The following HEATR4 variants were observed in gnomAD, a reference collection of about 807,000 sequenced individuals.
The protein encoded by HEATR4 is HEAT repeat-containing protein 4.
In HEATR4, 95 loss-of-function variants were observed where a neutral mutation model predicts 108.8. The observed-to-expected ratio is 0.87, with a 90% confidence interval of 0.74 to 1.04. The LOEUF (loss-of-function observed/expected upper bound fraction) is 1.04, where lower values mean the gene tolerates loss of function less well. HEATR4 is among the 50% of genes least tolerant of loss of function. HEATR4 has a pLI of 0.00. For missense variants in HEATR4, 1,152 were observed against 1,253.8 expected, an observed-to-expected ratio of 0.92 and a Z score of 1.23; for synonymous variants, 443 against 459.4, an observed-to-expected ratio of 0.96 and a Z score of 0.46.
chr14:73,612,500 C>A, the HEATR4 span: 3 of 1,042,584 alleles, frequency 2.9e-6, no homozygotes, highest in Non-Finnish European at 2.5e-6. Flanking sequence ...TACTTTCCAG[C>A]GCTCGGCAAA....
chr14:73,491,656 G>T, intron 17 of HEATR4: 1 of 1,549,842 alleles, frequency 6.5e-7, no homozygotes, highest in Non-Finnish European at 8.7e-7. Context: ...TCGCGCCCAT[G>T]CCGCCAGATC....
chr14:73,583,727 C>T, the HEATR4 span, among the ~76,000 whole-genome samples: 1 of 151,964 alleles, frequency 6.6e-6, no homozygotes, highest in Non-Finnish European at 1.5e-5. Context: ...AGGCCAGGCG[C>T]GGTGGCTCAC....
chr14:73,479,604 A>G (rs1039238703), intron 17 of HEATR4, among the ~76,000 whole-genome samples: 1 of 150,388 alleles, frequency 6.6e-6, no homozygotes, highest in Non-Finnish European at 1.5e-5. Context: ...ACACCCTACT[A>G]ATTTTGTATT....
intron 4 of HEATR4, 66 bp downstream of exon 4, chr14:73,520,786 A>G (rs2140295571): frequency 1.4e-6 from 2 of 1,448,388 alleles, no homozygotes; most frequent in South Asian, 1.3e-5. Context: ...TCCAGCCCCC[A>G]GCAATCTTCC....
At position 73,512,143 on chromosome 14, in the gene HEATR4, T is replaced by G; in HGVS notation, c.1421A>C (p.Glu474Ala). The change falls in exon 7 of 18, where the codon GAG (glutamate) becomes GCG (alanine). Residue 474 changes from glutamate (E) to alanine (A), a missense_variant. Coordinates refer to ENST00000553558, the MANE Select transcript of HEATR4 (RefSeq NM_001220484.1). The stretch of plus-strand genomic sequence containing the variant: ...GTTCTCTACTGTCTCATGGTGCCAC[T>G]CTATGACTGAGCCGCAGTGAGGGAA... ...EWKTAWALII[E>A]WHHETVENLL... 3.1e-6 allele frequency: 5 copies of G among 1,614,126 alleles called. No homozygotes were observed. The highest frequency in any genetic ancestry group is 4.2e-6 in the Non-Finnish European group (5 of 1,179,996).
chr14:73,493,247 T>C, intron 16 of HEATR4, 123 bp from the exon 17 acceptor site: 1 of 775,150 alleles, frequency 1.3e-6, no homozygotes, highest in Non-Finnish European at 2.2e-6. Context: ...GACCATGTCG[T>C]TCTGCTTGAG....
At chr14:73,552,777 C>T (rs1177396732) in intron 1 of HEATR4, among the ~76,000 whole-genome samples, 5 of 106,316 alleles carry the variant, frequency 4.7e-5, no homozygotes, top group Non-Finnish European at 5.8e-5. Context: ...CCAGATAACC[C>T]GCTGCTCCAG....
In HEATR4 at chr14:73,496,591, A is replaced by G. The variant is rs768675316; in HGVS notation, c.2625+10T>C. 6.4e-7 allele frequency: 1 copy of G among 1,568,306 alleles called. No individual in the cohort carries two copies. Among genetic ancestry groups the G allele is most frequent in the Non-Finnish European group, 8.8e-7 (1 of 1,138,552 alleles). On this transcript the variant is annotated intron_variant, in intron 15 of 17. Transcript: ENST00000553558. Reference sequence around the variant, plus strand: ...ATTTTCTCTTGAGAACAGAGCTTGCACTTATTTACCCTGTTCTTGATCTCC... The same window carrying G: ...ATTTTCTCTTGAGAACAGAGCTTGCGCTTATTTACCCTGTTCTTGATCTCC...
Position 73,498,298 on chromosome 14 carries a change from C to T in HEATR4, c.2403G>A (p.Leu801=). The change falls in exon 14 of 18, where the codon CTG becomes CTA. Residue 801 remains leucine, a synonymous_variant. Transcript: ENST00000553558. ...GQVSPELTDL[L]LWAIHYEESP... is the part of the protein sequence containing the mutation. ...ACTCTTCATAGTGGATAGCCCAGAGCAGAAGATCCGTCAGCTCGGGACTTA... is the reference window on the plus strand; with the variant it reads ...ACTCTTCATAGTGGATAGCCCAGAGTAGAAGATCCGTCAGCTCGGGACTTA... 1 of 1,612,584 alleles carries T rather than the reference C, an allele frequency of 6.2e-7. No homozygotes were observed. Among genetic ancestry groups the T allele is most frequent in the Non-Finnish European group, 8.5e-7 (1 of 1,178,928 alleles).
Position 73,553,867 on chromosome 14 carries a change from G to A in HEATR4, c.-152+4884C>T. Among the ~76,000 whole-genome samples, 2 of 114,886 alleles carry A rather than the reference G, an allele frequency of 1.7e-5. 1 individual carries two copies. Among genetic ancestry groups the A allele is most frequent in the Non-Finnish European group, 3.8e-5 (2 of 52,202 alleles). The allele number at this position is 114,886 out of a possible 152,430, so 75.4% of individuals were successfully genotyped here. A position where few individuals can be genotyped will look rare whatever the true frequency, so the allele number is the denominator to read the frequency against. On this transcript the variant is annotated intron_variant, in intron 1 of 17. Coordinates refer to ENST00000553558, the MANE Select transcript of HEATR4 (RefSeq NM_001220484.1). ...AGACAAGACTAAAAACCAAAATGGC[G>A]TCACCTGTGCTAAAGTTTCACCCAA... is the stretch of plus-strand genomic sequence containing the variant.
chr14:73,478,648 G>A lies in HEATR4; in HGVS notation c.3039C>T (p.Pro1013=). 6.2e-7 allele frequency: 1 copy of A among 1,613,722 alleles called. No individual in the cohort carries two copies. Among genetic ancestry groups the A allele is most frequent in the African/African-American group, 1.3e-5 (1 of 74,952 alleles). Residue 1013 remains proline (P), a synonymous_variant, in exon 18 of 18, where the codon CCC becomes CCT. Transcript: ENST00000553558. ...GKFSERTFFS[P]IMSSPSGKKG... is the part of the protein sequence containing the mutation. ...TCTTTCCAGAGGGAGAAGACATGAT[G>A]GGAGAAAAAAATGTTCTCTCTGAGA... is the stretch of plus-strand genomic sequence containing the variant.
intron 17 of HEATR4, among the ~76,000 whole-genome samples, chr14:73,486,325 CTTTCT>C (rs1303990034): frequency 6.6e-6 from 1 of 152,192 alleles, no homozygotes; most frequent in East Asian, 1.9e-4. Context: ...CGGACATTTG[CTTTCT>C]TTTACTTTCC....
chr14:73,607,171 G>A, the HEATR4 span, among the ~76,000 whole-genome samples: 1 of 152,106 alleles, frequency 6.6e-6, no homozygotes, highest in African/African-American at 2.4e-5. Flanking sequence ...TTAGCTGGGT[G>A]TCATGGCACG....
chr14:73,624,771 A>G, the HEATR4 span, among the ~76,000 whole-genome samples: 2 of 152,228 alleles, frequency 1.3e-5, no homozygotes, highest in East Asian at 1.9e-4. Flanking sequence ...GTTTCTGTCT[A>G]TATGCCTCAT....
At chr14:73,619,407 T>C in the HEATR4 span, 1 of 1,614,082 alleles carries the variant, frequency 6.2e-7, no homozygotes, top group African/African-American at 1.3e-5. Context: ...TTGTCGATGA[T>C]CTAGGAAAAG....
At chr14:73,567,609 C>T in the HEATR4 span, 1 of 152,104 alleles carries the variant, frequency 6.6e-6, no homozygotes, top group Non-Finnish European at 1.5e-5. Flanking sequence ...GTCACCCCAG[C>T]TAGTAGTGGT....
At chr14:73,523,574 G>C (rs1486706212) in intron 2 of HEATR4, among the ~76,000 whole-genome samples, 4 of 152,136 alleles carry the variant, frequency 2.6e-5, no homozygotes, top group Non-Finnish European at 5.9e-5. Flanking sequence ...TGGCATTCAG[G>C]GTTCTCCATG....
chr14:73,617,375 G>A, the HEATR4 span, among the ~76,000 whole-genome samples: 1 of 152,186 alleles, frequency 6.6e-6, no homozygotes, highest in African/African-American at 2.4e-5. Flanking sequence ...AGCTACCTGG[G>A]AGGCTGAGGC....
chr14:73,524,308 A>ATATATATATATATATATAT (rs1463658661), intron 2 of HEATR4, among the ~76,000 whole-genome samples: 1 of 83,570 alleles, frequency 1.2e-5, no homozygotes. Flanking sequence ...AAAAAAAAAA[A>ATATATATATATATATATAT]AAATATATAT....
Sources: gnomAD v4.1 joint callset for allele counts (sites outside exome capture counted in the v4.1 genomes callset) on GRCh38, gnomAD v4.1.1 for gene constraint, MANE v1.5 for transcripts, NCBI Gene and HGNC (gene_info 2026-07-23, HGNC 2026-07-21) for gene names.